Variants in STK3 observed in about 807,000 individuals in gnomAD.
STK3 encodes serine/threonine kinase 3, also known as serine/threonine-protein kinase 3.
A neutral mutation model predicts 58.0 loss-of-function variants in STK3; 41 were observed. The ratio of observed to expected loss-of-function variants is 0.71; its 90% CI spans 0.55 to 0.92. The LOEUF is 0.92. STK3 is among the 40% of genes least tolerant of loss of function. The probability of loss-of-function intolerance (pLI) is 0.00; values close to 1 mark genes in which losing one functional copy is unlikely to be tolerated. For missense variants in STK3, 479 were observed against 602.7 expected, an observed-to-expected ratio of 0.79 and a Z score of 2.15; for synonymous variants, 170 against 191.0, an observed-to-expected ratio of 0.89 and a Z score of 0.91.
In STK3 at chr8:98,633,705, T is replaced by G. The variant is rs1027671435; in HGVS notation, c.685-37536A>C. 5.9e-6 allele frequency: 4 copies of G among 681,484 alleles called. No individual in the cohort carries two copies. The Admixed American group carries it at 8.3e-5, about 14-fold the overall frequency. 42.2% of individuals were successfully genotyped at this position (681,484 alleles called of 1,614,324 possible). A position where few individuals can be genotyped will look rare whatever the true frequency, so the allele number is the denominator to read the frequency against. The stretch of plus-strand genomic sequence containing the variant: ...CAAGGTTAGAGAATACAAATCTAAG[T>G]GACAGACATCTGGAGGATCTGTTGA... On this transcript the variant is annotated intron_variant, in intron 6 of 10. Transcript: ENST00000419617.
intron 1 of STK3, among the ~76,000 whole-genome samples, chr8:98,799,780 T>C (rs1476490255): frequency 6.6e-6 from 1 of 152,176 alleles, no homozygotes; most frequent in Non-Finnish European, 1.5e-5. Flanking sequence ...ATCTACTTCA[T>C]TATCCTACTA....
At chr8:98,552,675 T>C (rs1203124715) in intron 8 of STK3, among the ~76,000 whole-genome samples, 1 of 152,150 alleles carries the variant, frequency 6.6e-6, no homozygotes, top group Non-Finnish European at 1.5e-5. Context: ...CCTCCATCAT[T>C]TTCCATTCTT....
chr8:98,833,566 G>A (rs1404953647), intron 3 of STK3, among the ~76,000 whole-genome samples: 1 of 152,132 alleles, frequency 6.6e-6, no homozygotes, highest in African/African-American at 2.4e-5. Context: ...TATATTTGGG[G>A]GTAAAAATAC....
At chr8:98,785,681 A>C (rs777561407) in intron 1 of STK3, among the ~76,000 whole-genome samples, 6 of 152,086 alleles carry the variant, frequency 3.9e-5, no homozygotes, top group Non-Finnish European at 7.4e-5. Context: ...CACTGGCAAC[A>C]CCTGGCTCTT....
chr8:98,454,192 T>G (rs575934891), downstream of STK3, among the ~76,000 whole-genome samples: 44 of 152,310 alleles, frequency 2.9e-4, 1 homozygote, highest in South Asian at 8.9e-3. Flanking sequence ...TGACAGACAT[T>G]AGTGAACTCA....
At chr8:98,450,245 G>A (rs913161781), downstream of STK3, among the ~76,000 whole-genome samples, 1 of 152,126 alleles carries the variant, frequency 6.6e-6, no homozygotes, top group African/African-American at 2.4e-5. Flanking sequence ...ATTCACTTTC[G>A]AAGTAACAAT....
intron 4 of STK3, among the ~76,000 whole-genome samples, chr8:98,741,302 GCACCA>G (rs1406766581): frequency 6.6e-6 from 1 of 152,002 alleles, no homozygotes. Flanking sequence ...ATTTTTTTCA[GCACCA>G]CACCACACCT....
At chr8:98,384,028 G>A (rs772303728) in intron 1 of STK3, among the ~76,000 whole-genome samples, 9 of 152,214 alleles carry the variant, frequency 5.9e-5, no homozygotes, top group Non-Finnish European at 1.2e-4. Flanking sequence ...CCCAGCAAAT[G>A]AGGCAGGAGA....
At chr8:98,544,018 G>A (rs957451873) in intron 9 of STK3, among the ~76,000 whole-genome samples, 1 of 150,048 alleles carries the variant, frequency 6.7e-6, no homozygotes, top group African/African-American at 2.5e-5. Context: ...TCTAAGAGGA[G>A]TTTAGAACAT....
chr8:98,591,737 A>C (rs1377194078), intron 7 of STK3, among the ~76,000 whole-genome samples: 1 of 152,254 alleles, frequency 6.6e-6, no homozygotes, highest in East Asian at 1.9e-4. Flanking sequence ...TGAATTGACA[A>C]TGAATTGCAT....
chr8:98,912,869 T>C (rs1399337170), intron 1 of STK3, among the ~76,000 whole-genome samples: 1 of 152,206 alleles, frequency 6.6e-6, no homozygotes, highest in Non-Finnish European at 1.5e-5. Context: ...TGGTTGTGTT[T>C]TTTTTGTTTT....
chr8:98,711,560 G>T (rs1348461640), intron 4 of STK3, among the ~76,000 whole-genome samples: 1 of 152,194 alleles, frequency 6.6e-6, no homozygotes, highest in Admixed American at 6.5e-5. Flanking sequence ...TGAATGAAAT[G>T]AAGTGAGAAG....
the STK3 span, among the ~76,000 whole-genome samples, chr8:98,355,906 G>A: frequency 6.6e-6 from 1 of 152,176 alleles, no homozygotes; most frequent in Non-Finnish European, 1.5e-5. Context: ...ACTGGTGAAG[G>A]GGCTTCTAAG....
chr8:98,402,514 C>T (rs1049517234), intron 3 of STK3, among the ~76,000 whole-genome samples: 4 of 152,170 alleles, frequency 2.6e-5, no homozygotes, highest in African/African-American at 9.7e-5. Context: ...GTTCTGTGTC[C>T]CCAGTACAGC....
chr8:98,429,993 T>C (rs1004976019), intron 3 of STK3: 1 of 167,290 alleles, frequency 6.0e-6, no homozygotes, highest in Admixed American at 6.5e-5. Context: ...TAAGTTGTTT[T>C]TATAAATGAT....
chr8:98,745,285 G>C (rs1256718241), intron 4 of STK3, among the ~76,000 whole-genome samples: 1 of 152,146 alleles, frequency 6.6e-6, no homozygotes, highest in Non-Finnish European at 1.5e-5. Flanking sequence ...TGTAATAAAT[G>C]TTTTTTTATA....
At chr8:98,360,912 C>A in the STK3 span, among the ~76,000 whole-genome samples, 1 of 152,144 alleles carries the variant, frequency 6.6e-6, no homozygotes, top group Non-Finnish European at 1.5e-5. Flanking sequence ...TCATGGATTG[C>A]AAAAACATTT....
chr8:98,901,401 T>A (rs1047552964), intron 1 of STK3, among the ~76,000 whole-genome samples: 1 of 152,244 alleles, frequency 6.6e-6, no homozygotes, highest in African/African-American at 2.4e-5. Flanking sequence ...TTTCTGTTAA[T>A]CAATGGCTTT....
intron 9 of STK3, among the ~76,000 whole-genome samples, chr8:98,544,872 T>C (rs1297608107): frequency 1.6e-4 from 25 of 152,138 alleles, no homozygotes; most frequent in Admixed American, 1.6e-3. Context: ...CTGGAAAATA[T>C]GGCTCTTCCT....
Sources: allele counts gnomAD v4.1 joint callset (sites outside exome capture counted in the v4.1 genomes callset), GRCh38; gene constraint gnomAD v4.1.1; transcripts MANE v1.5; gene names NCBI Gene and HGNC (gene_info 2026-07-23, HGNC 2026-07-21).